Variants in MSRA observed in about 807,000 individuals in gnomAD.
MSRA encodes methionine sulfoxide reductase A.
A neutral mutation model predicts 31.3 loss-of-function variants in MSRA; 54 were observed. That is an observed-to-expected ratio of 1.73 (90% CI 1.39 to 2.17). The LOEUF is 2.17. Among genes scored for constraint, MSRA ranks in the 30% most tolerant of loss-of-function variants. The pLI is 0.00. For missense variants in MSRA, 507 were observed against 300.9 expected (o/e 1.69, Z -5.07); for synonymous variants, 169 against 116.5 (o/e 1.45, Z -2.90).
At chr8:10,148,252 C>T (rs556384911) in intron 1 of MSRA, among the ~76,000 whole-genome samples, 1 of 152,026 alleles carries the variant, frequency 6.6e-6, no homozygotes, top group South Asian at 2.1e-4. Flanking sequence ...AAAATGTATC[C>T]CTTCATATAA....
chr8:10,225,033 G>C (rs1031895479), intron 2 of MSRA, among the ~76,000 whole-genome samples: 2 of 152,174 alleles, frequency 1.3e-5, no homozygotes, highest in African/African-American at 4.8e-5. Context: ...AGCTACTCCA[G>C]AGGCTGAGGG....
intron 5 of MSRA, among the ~76,000 whole-genome samples, chr8:10,375,381 C>T (rs902290265): frequency 1.3e-5 from 2 of 152,220 alleles, no homozygotes; most frequent in African/African-American, 4.8e-5. Flanking sequence ...GATGAAGAAC[C>T]TTCATATCGG....
chr8:10,210,897 CTT>C (rs373960775), intron 2 of MSRA, among the ~76,000 whole-genome samples: 4 of 145,410 alleles, frequency 2.8e-5, no homozygotes, highest in Admixed American at 6.9e-5. Context: ...CCACGCTCAC[CTT>C]TTTTTTTTTT....
intron 5 of MSRA, among the ~76,000 whole-genome samples, chr8:10,346,091 T>G (rs1803756939): frequency 6.6e-6 from 1 of 152,222 alleles, no homozygotes; most frequent in African/African-American, 2.4e-5. Flanking sequence ...TGACCTCTTG[T>G]GCAGTGTTCC....
chr8:10,167,142 C>A (rs1805207116), intron 1 of MSRA, among the ~76,000 whole-genome samples: 1 of 152,146 alleles, frequency 6.6e-6, no homozygotes, highest in Admixed American at 6.5e-5. Context: ...GGTCCCCTCT[C>A]CCATGCCAGG....
At chr8:10,362,640 C>T (rs920281266) in intron 5 of MSRA, among the ~76,000 whole-genome samples, 4 of 152,008 alleles carry the variant, frequency 2.6e-5, no homozygotes, top group East Asian at 1.9e-4. Context: ...CAGGGAGACC[C>T]GTTGTCCCTG....
chr8:10,067,211 C>CT (rs1191626084), intron 1 of MSRA, among the ~76,000 whole-genome samples: 1 of 152,108 alleles, frequency 6.6e-6, no homozygotes, highest in Non-Finnish European at 1.5e-5. Flanking sequence ...AACCACTGAA[C>CT]TTTTTTTATT....
chr8:10,257,376 A>C (rs890527913), intron 3 of MSRA, among the ~76,000 whole-genome samples: 4 of 152,048 alleles, frequency 2.6e-5, no homozygotes, highest in African/African-American at 9.7e-5. Context: ...CATGTATTCT[A>C]CTCTGTGTGT....
chr8:10,333,193 A>G (rs1303072466), intron 5 of MSRA, among the ~76,000 whole-genome samples: 2 of 152,032 alleles, frequency 1.3e-5, no homozygotes, highest in African/African-American at 4.8e-5. Flanking sequence ...CACGGGCCAC[A>G]CTCCTACTCA....
rs549906126 is a variant in MSRA at position 10,193,720 on chromosome 8, G to A, written c.143-14113G>A. ...GTGTAGAACCAAAGTGGAAGATTTT[G>A]TTCATTATGTTTCTTAATATGAATA... is the stretch of plus-strand genomic sequence containing the variant. On this transcript the variant is annotated intron_variant, in intron 1 of 5. Transcript: ENST00000317173. Among the ~76,000 whole-genome samples the A allele has an allele frequency of 3.9e-5, 6 of 152,210 alleles. No homozygotes were observed. The East Asian group carries it at 1.2e-3, about 29-fold the overall frequency.
At chr8:10,238,276 C>T (rs1164486421) in intron 2 of MSRA, among the ~76,000 whole-genome samples, 2 of 152,222 alleles carry the variant, frequency 1.3e-5, no homozygotes. Flanking sequence ...CCCTTGGAGG[C>T]TCACCCTATT....
intron 3 of MSRA, among the ~76,000 whole-genome samples, chr8:10,276,308 A>G (rs946498267): frequency 6.6e-6 from 1 of 152,224 alleles, no homozygotes; most frequent in African/African-American, 2.4e-5. Flanking sequence ...TTAATCATAT[A>G]TAATCCACCC....
At chr8:10,125,096 C>T (rs1024540884) in intron 1 of MSRA, among the ~76,000 whole-genome samples, 1 of 152,230 alleles carries the variant, frequency 6.6e-6, no homozygotes, top group African/African-American at 2.4e-5. Flanking sequence ...TTCCGCAAGG[C>T]ATGTGGTGAT....
chr8:10,163,394 A>G (rs1167799089), intron 1 of MSRA, among the ~76,000 whole-genome samples: 1 of 152,218 alleles, frequency 6.6e-6, no homozygotes, highest in African/African-American at 2.4e-5. Flanking sequence ...TGCTATGAGA[A>G]GGAAATGAGG....
At chr8:10,066,459 G>C (rs1027080428) in intron 1 of MSRA, among the ~76,000 whole-genome samples, 2 of 152,200 alleles carry the variant, frequency 1.3e-5, no homozygotes, top group African/African-American at 4.8e-5. Context: ...TATAAAAATG[G>C]ACCAGATTGT....
chr8:10,337,420 C>A (rs1803122498), intron 5 of MSRA: 1 of 322,152 alleles, frequency 3.1e-6, no homozygotes, highest in Non-Finnish European at 5.7e-6. Context: ...ACCTCGTGAT[C>A]CACCAGCCTC....
At chr8:10,254,149 C>T (rs1211014791) in intron 3 of MSRA, among the ~76,000 whole-genome samples, 4 of 152,162 alleles carry the variant, frequency 2.6e-5, no homozygotes, top group East Asian at 3.9e-4. Context: ...TGAAGTCTCT[C>T]AGGGAATGCC....
rs184649182 is a variant in MSRA, at chr8:10,405,285, C to G, written c.544-22863C>G. Among the ~76,000 whole-genome samples the G allele has an allele frequency of 5.1e-4, 77 of 152,200 alleles. 1 individual carries two copies. The highest frequency in any genetic ancestry group is 1.8e-3 in the African/African-American group (73 of 41,528). On this transcript the variant is annotated intron_variant, in intron 5 of 5. Coordinates refer to ENST00000317173, the MANE Select transcript of MSRA (RefSeq NM_012331.5). The stretch of plus-strand genomic sequence containing the variant: ...CAGGATCAGAGTATTGCCAGGCCAC[C>G]CAGCTCGGCCACCCATCGCCCTGCC...
At chr8:10,200,748 A>G (rs1012118363) in intron 1 of MSRA, among the ~76,000 whole-genome samples, 3 of 152,164 alleles carry the variant, frequency 2.0e-5, no homozygotes, top group East Asian at 1.9e-4. Context: ...TTAAAACACC[A>G]TATCGCACAT....
Sources: allele counts gnomAD v4.1 joint callset (sites outside exome capture counted in the v4.1 genomes callset), GRCh38; gene constraint gnomAD v4.1.1; transcripts MANE v1.5; gene names NCBI Gene and HGNC (gene_info 2026-07-23, HGNC 2026-07-21).